KLF6: variants seen among roughly 807,000 people sequenced by gnomAD.
KLF6 encodes the protein Krueppel-like factor 6.
For synonymous variants in KLF6, 152 were observed against 147.9 expected (o/e 1.03, Z -0.20); for missense variants, 233 against 359.8 (o/e 0.65, Z 2.85).
rs1832410596 is a variant in KLF6, at chr10:3,777,307, A to AAATT, written c.*2228_*2231dup. ...CACGCCGTGGTATGCCAATTCGGGG[A>AAATT]AATTACTCCTTGGAAAAACTGGAAG... is the stretch of plus-strand genomic sequence containing the variant. On this transcript the variant is annotated 3_prime_UTR_variant, in exon 4 of 4. Coordinates refer to ENST00000497571, the MANE Select transcript of KLF6 (RefSeq NM_001300.6). The AAATT allele has an allele frequency of 1.9e-6, 1 of 514,408 alleles. No homozygotes were observed. The highest frequency in any genetic ancestry group is 1.9e-5 in the African/African-American group (1 of 52,678). 31.9% of individuals were successfully genotyped at this position (514,408 alleles called of 1,614,324 possible). A position where few individuals can be genotyped will look rare whatever the true frequency, so the allele number is the denominator to read the frequency against.
At position 3,781,954 on chromosome 10, in the gene KLF6, G is replaced by A; in HGVS notation, c.363C>T (p.Pro121=). The A allele has an allele frequency of 1.9e-6, 3 of 1,614,246 alleles. No homozygotes were observed. The highest frequency in any genetic ancestry group is 1.3e-5 in the African/African-American group (1 of 75,068). Residue 121 remains proline (P), a synonymous_variant, in exon 2 of 4, where the codon CCC becomes CCT. Transcript: ENST00000497571. This position sits in a 1 kb window ranked among gnomAD's most constrained non-coding sequence, Gnocchi z 5.8. ...ESSDSSEELS[P]TAKFTSDPIG... ...TGGGGTCGGAGGTAAACTTGGCCGT[G>A]GGAGAAAGTTCCTCGGAGCTGTCAG...
chr10:3,778,486 G>A lies in KLF6; in HGVS notation c.*1053C>T. 1 of 525,228 alleles carries A rather than the reference G, an allele frequency of 1.9e-6. No individual in the cohort carries two copies. Among genetic ancestry groups the A allele is most frequent in the South Asian group, 1.5e-5 (1 of 65,116 alleles). 32.5% of individuals were successfully genotyped at this position (525,228 alleles called of 1,614,324 possible). On this transcript the variant is annotated 3_prime_UTR_variant, in exon 4 of 4. Transcript: ENST00000497571. The stretch of plus-strand genomic sequence containing the variant: ...CAGCAATTCCCAGCCCCAGCTTTGT[G>A]ACACTCAATACGTGTCCAATTTCTT...
intron 1 of KLF6, among the ~76,000 whole-genome samples, chr10:3,784,220 A>G (rs1268364167): frequency 1.3e-5 from 2 of 152,186 alleles, no homozygotes; most frequent in East Asian, 1.9e-4. Flanking sequence ...TTAAATTTCC[A>G]ATGCCCCCAA....
At chr10:3,779,638 T>C (rs1832477843) in intron 3 of KLF6, 48 bp from the exon 4 acceptor site, 4 of 1,581,538 alleles carry the variant, frequency 2.5e-6, no homozygotes, top group South Asian at 2.2e-5. Flanking sequence ...TCCCATCCCT[T>C]GCCAGTGTTC....
rs1364276277 is a variant in KLF6, at chr10:3,779,077, A to G, written c.*462T>C. 3 of 534,868 alleles carry G rather than the reference A, an allele frequency of 5.6e-6. No homozygotes were observed. The highest frequency in any genetic ancestry group is 1.1e-5 in the Non-Finnish European group (3 of 276,986). The allele number at this position is 534,868 out of a possible 1,614,324, so 33.1% of individuals were successfully genotyped here. On this transcript the variant is annotated 3_prime_UTR_variant, in exon 4 of 4. Coordinates refer to ENST00000497571, the MANE Select transcript of KLF6 (RefSeq NM_001300.6). Reference sequence around the variant, plus strand: ...TTTTCTTTTTTTTTCTAAGGTGCAGACACCCCCTCCCCCCAAGGAAATGAT... The same window carrying G: ...TTTTCTTTTTTTTTCTAAGGTGCAGGCACCCCCTCCCCCCAAGGAAATGAT...
Position 3,785,018 on chromosome 10 carries a change from G to A in KLF6, c.-4C>T. On this transcript the variant is annotated 5_prime_UTR_variant, in exon 1 of 4. The change creates a premature stop within an existing upstream ORF in the 5' untranslated region. Transcript: ENST00000497571. ...TGCACATGGGGAGCACGTCCATGTC[G>A]GGCCGGGTTGGACGGAGCCCGCGGT... is the stretch of plus-strand genomic sequence containing the variant. 1 of 1,610,534 alleles carries A rather than the reference G, an allele frequency of 6.2e-7. No individual in the cohort carries two copies. Among genetic ancestry groups the A allele is most frequent in the Non-Finnish European group, 8.5e-7 (1 of 1,177,986 alleles).
Position 3,781,630 on chromosome 10 carries a change from T to C in KLF6, c.676+11A>G, listed in dbSNP as rs766167230. 1 of 1,612,418 alleles carries C rather than the reference T, an allele frequency of 6.2e-7. No individual in the cohort carries two copies. The highest frequency in any genetic ancestry group is 2.2e-5 in the East Asian group (1 of 44,838). On this transcript the variant is annotated intron_variant, in intron 2 of 3. Transcript: ENST00000497571. The surrounding 1 kb of genome is among the most constrained non-coding windows in gnomAD (Gnocchi z 5.8). Reference sequence around the variant, plus strand: ...CAGCGGCCGCCCTCCGGGGCCCGCGTGGGCACTGACCTGTGTGCGTCCGCT... The same window carrying C: ...CAGCGGCCGCCCTCCGGGGCCCGCGCGGGCACTGACCTGTGTGCGTCCGCT...
In KLF6 at chr10:3,776,860, C is replaced by T; in HGVS notation, c.*2679G>A. The T allele has an allele frequency of 1.9e-6, 1 of 527,724 alleles. No individual in the cohort carries two copies. The highest frequency in any genetic ancestry group is 4.0e-5 in the East Asian group (1 of 25,138). The allele number at this position is 527,724 out of a possible 1,614,324, so 32.7% of individuals were successfully genotyped here. ...TCACAGGCATTGACAGGTACGGTAC[C>T]CAGCCCCACCCAGGCAAACAGCTCC... On this transcript the variant is annotated 3_prime_UTR_variant, in exon 4 of 4. Transcript: ENST00000497571.
In KLF6 at chr10:3,777,791, A is replaced by C. The variant is rs945111376; in HGVS notation, c.*1748T>G. The C allele has an allele frequency of 2.8e-5, 13 of 463,626 alleles. No homozygotes were observed. In the Admixed American group the frequency reaches 3.3e-4, roughly 12 times the overall value. 28.7% of individuals were successfully genotyped at this position (463,626 alleles called of 1,614,324 possible). A position where few individuals can be genotyped will look rare whatever the true frequency, so the allele number is the denominator to read the frequency against. Reference sequence around the variant, plus strand: ...ATATATACACACATACACATACTGTACACACAAATATACATACACAAGAAT... The same window carrying C: ...ATATATACACACATACACATACTGTCCACACAAATATACATACACAAGAAT... On this transcript the variant is annotated 3_prime_UTR_variant, in exon 4 of 4. Transcript: ENST00000497571.
chr10:3,776,583 A>G lies in KLF6; in HGVS notation c.*2956T>C. 1 of 520,714 alleles carries G rather than the reference A, an allele frequency of 1.9e-6. No individual in the cohort carries two copies. The highest frequency in any genetic ancestry group is 3.7e-6 in the Non-Finnish European group (1 of 268,934). The allele number at this position is 520,714 out of a possible 1,614,324, so 32.3% of individuals were successfully genotyped here. A position where few individuals can be genotyped will look rare whatever the true frequency, so the allele number is the denominator to read the frequency against. ...ATAAGAATTCTTTTATGTTATTCCA[A>G]TAAAAAATACATTCATACAGAAATA... On this transcript the variant is annotated 3_prime_UTR_variant, in exon 4 of 4. Coordinates refer to ENST00000497571, the MANE Select transcript of KLF6 (RefSeq NM_001300.6).
chr10:3,785,176 C>G lies in KLF6; in HGVS notation c.-162G>C. 2.8e-6 allele frequency: 4 copies of G among 1,432,090 alleles called. No homozygotes were observed. In the South Asian group the frequency reaches 4.9e-5, roughly 18 times the overall value. 88.7% of individuals were successfully genotyped at this position (1,432,090 alleles called of 1,614,324 possible). A position where few individuals can be genotyped will look rare whatever the true frequency, so the allele number is the denominator to read the frequency against. On this transcript the variant is annotated 5_prime_UTR_variant, in exon 1 of 4. Transcript: ENST00000497571. The stretch of plus-strand genomic sequence containing the variant: ...CTCCCGCAGCCCGCAGCGCGCGGAG[C>G]CCACACAATATTTGCAAACACCGGA...
Position 3,779,406 on chromosome 10 carries a change from C to T in KLF6, c.*133G>A, listed in dbSNP as rs1832472224. 1 of 783,104 alleles carries T rather than the reference C, an allele frequency of 1.3e-6. No individual in the cohort carries two copies. Among genetic ancestry groups the T allele is most frequent in the Non-Finnish European group, 2.2e-6 (1 of 446,048 alleles). 48.5% of individuals were successfully genotyped at this position (783,104 alleles called of 1,614,324 possible). On this transcript the variant is annotated 3_prime_UTR_variant, in exon 4 of 4. Transcript: ENST00000497571. ...ACCTTTTTAGCCCTCAAAAGACCTT[C>T]CAAGGAGAGGCCCTGGAGGCAACTG...
Position 3,781,764 on chromosome 10 carries a change from C to G in KLF6, c.553G>C (p.Asp185His). 6.2e-7 allele frequency: 1 copy of G among 1,614,252 alleles called. No homozygotes were observed. Among genetic ancestry groups the G allele is most frequent in the Non-Finnish European group, 8.5e-7 (1 of 1,180,046 alleles). Reference protein sequence around the residue: ...VRSGTSGKPGDKGNGDASPDG... With the variant: ...VRSGTSGKPGHKGNGDASPDG... ...GGGGAGGCATCGCCATTTCCCTTGT[C>G]ACCTGGCTTCCCCGAAGTCCCGCTG... Residue 185 changes from aspartate (D) to histidine (H), a missense_variant, in exon 2 of 4, where the codon GAC becomes CAC. By Grantham distance (81) the Asp-to-His change is moderately conservative. Coordinates refer to ENST00000497571, the MANE Select transcript of KLF6 (RefSeq NM_001300.6). This position sits in a 1 kb window ranked among gnomAD's most constrained non-coding sequence, Gnocchi z 5.8.
In KLF6 at chr10:3,782,336, G is replaced by A; in HGVS notation, c.103-122C>T. The A allele has an allele frequency of 1.3e-6, 1 of 779,192 alleles. No homozygotes were observed. Among genetic ancestry groups the A allele is most frequent in the African/African-American group, 1.7e-5 (1 of 58,772 alleles). The allele number at this position is 779,192 out of a possible 1,614,324, so 48.3% of individuals were successfully genotyped here. The stretch of plus-strand genomic sequence containing the variant: ...TAACATTGCTGCCCGGTCACTACAG[G>A]GGCAAAACCTTTTGTAATTAAGCAT... On this transcript the variant is annotated intron_variant, in intron 1 of 3. Transcript: ENST00000497571. This position sits in a 1 kb window ranked among gnomAD's most constrained non-coding sequence, Gnocchi z 4.3.
rs1366165543 is a variant in KLF6 at position 3,779,033 on chromosome 10, G to GT, written c.*505dup. 7.6e-6 allele frequency: 4 copies of GT among 525,674 alleles called. No individual in the cohort carries two copies. Among genetic ancestry groups the GT allele is most frequent in the East Asian group, 7.8e-5 (2 of 25,714 alleles). 32.6% of individuals were successfully genotyped at this position (525,674 alleles called of 1,614,324 possible). A position where few individuals can be genotyped will look rare whatever the true frequency, so the allele number is the denominator to read the frequency against. ...AGATTTTCCTTCTTTTTTTGTTTTT[G>GT]TTTTTTTGTTTTTTTGATTTTTCTT... is the stretch of plus-strand genomic sequence containing the variant. On this transcript the variant is annotated 3_prime_UTR_variant, in exon 4 of 4. Transcript: ENST00000497571.
chr10:3,780,443 C>G lies in KLF6; in HGVS notation c.677-214G>C. ...TCCCACTGCTGTCCAAGGGACACAG[C>G]TTCAGCCAAGCCCATGGTGCTGTCA... On this transcript the variant is annotated intron_variant, in intron 2 of 3. Transcript: ENST00000497571. The surrounding 1 kb of genome is among the most constrained non-coding windows in gnomAD (Gnocchi z 4.6). 1 of 630,344 alleles carries G rather than the reference C, an allele frequency of 1.6e-6. No homozygotes were observed. Among genetic ancestry groups the G allele is most frequent in the Non-Finnish European group, 2.9e-6 (1 of 347,610 alleles). 39.0% of individuals were successfully genotyped at this position (630,344 alleles called of 1,614,324 possible). A position where few individuals can be genotyped will look rare whatever the true frequency, so the allele number is the denominator to read the frequency against.
chr10:3,779,866 C>G (rs181812901), intron 3 of KLF6, among the ~76,000 whole-genome samples: 12 of 152,336 alleles, frequency 7.9e-5, no homozygotes, highest in Middle Eastern at 6.8e-3. Context: ...GTTGAAAGGC[C>G]AATCTCCAAA....
At position 3,781,239 on chromosome 10, in the gene KLF6, C is replaced by T. The variant is rs1832511634; in HGVS notation, c.676+402G>A. On this transcript the variant is annotated intron_variant, in intron 2 of 3. Coordinates refer to ENST00000497571, the MANE Select transcript of KLF6 (RefSeq NM_001300.6). This position sits in a 1 kb window ranked among gnomAD's most constrained non-coding sequence, Gnocchi z 5.8. ...ATCAAACCCACACACTCCACGCTGC[C>T]CAGCAACCCTCTGTCCTGACCCTTG... The T allele has an allele frequency of 5.7e-6, 3 of 529,166 alleles. No individual in the cohort carries two copies. Among genetic ancestry groups the T allele is most frequent in the Non-Finnish European group, 9.6e-6 (3 of 312,148 alleles). The allele number at this position is 529,166 out of a possible 1,614,324, so 32.8% of individuals were successfully genotyped here.
chr10:3,777,841 G>C lies in KLF6; in HGVS notation c.*1698C>G. Reference sequence around the variant, plus strand: ...TTCTGCCCACTTTTTTAAAAAAGTAGTATACTTTCTGTATTACCAACAGAT... The same window carrying C: ...TTCTGCCCACTTTTTTAAAAAAGTACTATACTTTCTGTATTACCAACAGAT... On this transcript the variant is annotated 3_prime_UTR_variant, in exon 4 of 4. Coordinates refer to ENST00000497571, the MANE Select transcript of KLF6 (RefSeq NM_001300.6). 1 of 482,856 alleles carries C rather than the reference G, an allele frequency of 2.1e-6. No individual in the cohort carries two copies. The allele number at this position is 482,856 out of a possible 1,614,324, so 29.9% of individuals were successfully genotyped here.
Sources: allele counts gnomAD v4.1 joint callset (sites outside exome capture counted in the v4.1 genomes callset), GRCh38; gene constraint gnomAD v4.1.1; non-coding constraint Gnocchi (gnomAD v3.1); transcripts MANE v1.5; gene names NCBI Gene and HGNC (gene_info 2026-07-23, HGNC 2026-07-21).